Variants in TRPM2 observed in about 807,000 individuals in gnomAD.
TRPM2 encodes transient receptor potential cation channel subfamily M member 2, also known as estrogen-responsive element-associated gene 1 protein.
Under a neutral mutation model 174.0 loss-of-function variants are expected in TRPM2, and 161 were observed. The ratio of observed to expected loss-of-function variants is 0.93; its 90% confidence interval spans 0.81 to 1.05. The LOEUF is 1.05. Ranked by LOEUF, TRPM2 falls within the 50% of genes least tolerant of loss-of-function variation. The pLI is 0.00. For missense variants in TRPM2, 2,057 were observed against 2,038.0 expected (o/e 1.01, Z -0.18); for synonymous variants, 954 against 861.3 (o/e 1.11, Z -1.88).
intron 16 of TRPM2, among the ~76,000 whole-genome samples, chr21:44,402,927 C>A (rs945369634): frequency 2.0e-5 from 3 of 152,290 alleles, no homozygotes. Flanking sequence ...CCCCCAGTTA[C>A]CCCAGTTAGA....
intron 9 of TRPM2, among the ~76,000 whole-genome samples, chr21:44,388,632 T>C (rs968630131): frequency 2.5e-5 from 3 of 119,772 alleles, no homozygotes; most frequent in Non-Finnish European, 4.9e-5. Context: ...CTAGGCAACA[T>C]GGAGAACCCT....
Position 44,418,476 on chromosome 21 carries a change from C to G in TRPM2, c.3382C>G (p.Leu1128Val). The G allele has an allele frequency of 6.2e-7, 1 of 1,614,112 alleles. No homozygotes were observed. The highest frequency in any genetic ancestry group is 1.1e-5 in the South Asian group (1 of 91,084). ...EAALLSWEIY[L>V]KENYLQNRQF... is the part of the protein sequence containing the mutation. Reference sequence around the variant, plus strand: ...GGCCCTGCTATCCTGGGAGATCTACCTGAAGGAGAACTACCTCCAGAACCG... The same window carrying G: ...GGCCCTGCTATCCTGGGAGATCTACGTGAAGGAGAACTACCTCCAGAACCG... The change falls in exon 22 of 32, where the codon CTG becomes GTG. Residue 1128 changes from leucine to valine, a missense_variant. Physicochemically the swap from Leu to Val is conservative, Grantham distance 32 (BLOSUM62 1). Transcript: ENST00000397928.
In TRPM2 at chr21:44,369,277, GCTCATCACCATCGGAGTCGCCAC is replaced by G; in HGVS notation, c.708_730del (p.Ile237GlyfsTer24). On this transcript the variant is annotated frameshift_variant, in exon 5 of 32. Transcript: ENST00000397928. LOFTEE classifies it high-confidence loss of function. ...TGAGCAGCAGCTACAAGGAAGGCGA[GCTCATCACCATCGGAGTCGCCAC>G]CTGGGGCACTGTCCACCGCCGCGAG... is the stretch of plus-strand genomic sequence containing the variant. 4 of 1,613,804 alleles carry G rather than the reference GCTCATCACCATCGGAGTCGCCAC, an allele frequency of 2.5e-6. No homozygotes were observed. The highest frequency in any genetic ancestry group is 3.4e-6 in the Non-Finnish European group (4 of 1,179,938).
chr21:44,361,764 G>C (rs941613548), intron 2 of TRPM2, among the ~76,000 whole-genome samples: 1 of 152,058 alleles, frequency 6.6e-6, no homozygotes, highest in Non-Finnish European at 1.5e-5. Flanking sequence ...CTGGAGTACA[G>C]TGGCACGATC....
intron 2 of TRPM2, among the ~76,000 whole-genome samples, chr21:44,357,194 G>A (rs528295557): frequency 7.9e-5 from 12 of 152,274 alleles, no homozygotes; most frequent in South Asian, 4.2e-4. Flanking sequence ...TTTGAACGCC[G>A]CTGACACCCT....
At chr21:44,384,443 C>A (rs1221382246) in intron 9 of TRPM2, among the ~76,000 whole-genome samples, 1 of 152,162 alleles carries the variant, frequency 6.6e-6, no homozygotes, top group East Asian at 1.9e-4. Flanking sequence ...TGCCCTTCCA[C>A]TGGAAGGCAG....
At chr21:44,385,016 C>T (rs909872117) in intron 9 of TRPM2, among the ~76,000 whole-genome samples, 2 of 152,218 alleles carry the variant, frequency 1.3e-5, no homozygotes, top group African/African-American at 4.8e-5. Context: ...CCATTATGAA[C>T]ATTGATACGA....
intron 11 of TRPM2, among the ~76,000 whole-genome samples, chr21:44,393,950 G>A (rs2049259626): frequency 6.6e-6 from 1 of 152,078 alleles, no homozygotes; most frequent in South Asian, 2.1e-4. Context: ...TCTGCTTACT[G>A]CAACCTCTGC....
chr21:44,406,953 C>G (rs1482175347), intron 19 of TRPM2, among the ~76,000 whole-genome samples, 188 bp downstream of exon 19: 3 of 150,084 alleles, frequency 2.0e-5, no homozygotes, highest in Non-Finnish European at 4.4e-5. Context: ...GGGGCCCCAC[C>G]AGGGGAGGGA....
rs374071878 is a variant in TRPM2, at chr21:44,436,667, A to G, written c.4062-395A>G. ...GCCCTCGGCACCCCACATCACCCCC[A>G]GGCTGCACTCAGCATCCCACGTCAC... On this transcript the variant is annotated intron_variant, in intron 28 of 31. Transcript: ENST00000397928. 6.2e-5 allele frequency among the ~76,000 whole-genome samples: 6 copies of G among 96,934 alleles called. No individual in the cohort carries two copies. The South Asian group carries it at 1.1e-3, about 18-fold the overall frequency. 63.6% of individuals were successfully genotyped at this position (96,934 alleles called of 152,430 possible).
At chr21:44,372,369 G>A (rs1421721308) in intron 5 of TRPM2, among the ~76,000 whole-genome samples, 1 of 151,810 alleles carries the variant, frequency 6.6e-6, no homozygotes, top group Non-Finnish European at 1.5e-5. Context: ...GGTGGTAGGC[G>A]ACTGTAATCC....
intron 8 of TRPM2, among the ~76,000 whole-genome samples, chr21:44,380,337 G>T (rs1214443758): frequency 6.6e-6 from 1 of 152,210 alleles, no homozygotes; most frequent in Non-Finnish European, 1.5e-5. Context: ...TCGTGGTCCG[G>T]CTGTGAGCGG....
At chr21:44,421,344 G>A (rs368313175) in intron 22 of TRPM2, among the ~76,000 whole-genome samples, 1 of 151,956 alleles carries the variant, frequency 6.6e-6, no homozygotes, top group African/African-American at 2.4e-5. Flanking sequence ...AGTCCCAAAT[G>A]CCTCTCAGCT....
intron 5 of TRPM2, among the ~76,000 whole-genome samples, chr21:44,372,105 G>A (rs2048558087): frequency 6.6e-6 from 1 of 152,160 alleles, no homozygotes; most frequent in Non-Finnish European, 1.5e-5. Context: ...CTGGGTGACA[G>A]AGCAAGACTC....
intron 7 of TRPM2, among the ~76,000 whole-genome samples, chr21:44,378,528 G>A (rs764730354): frequency 6.6e-6 from 1 of 152,100 alleles, no homozygotes; most frequent in African/African-American, 2.4e-5. Context: ...GGCTGCACCC[G>A]CCTCCTTACC....
chr21:44,409,853 T>G, intron 19 of TRPM2, among the ~76,000 whole-genome samples: 1 of 149,192 alleles, frequency 6.7e-6, no homozygotes, highest in Admixed American at 6.7e-5. Context: ...TAGTAAGTTT[T>G]GACCACACTG....
At chr21:44,406,822 C>A (rs951560115) in intron 19 of TRPM2, 57 bp downstream of exon 19, 13 of 1,548,484 alleles carry the variant, frequency 8.4e-6, no homozygotes, top group Middle Eastern at 2.3e-4. Flanking sequence ...AGGAGAGAGG[C>A]TGGAAAGGGG....
At chr21:44,403,987 T>C (rs1273854613) in intron 16 of TRPM2, among the ~76,000 whole-genome samples, 2 of 150,734 alleles carry the variant, frequency 1.3e-5, no homozygotes, top group African/African-American at 2.5e-5. Flanking sequence ...TACACATGCA[T>C]ACACACATAC....
At chr21:44,423,381 C>T (rs1395285945) in intron 22 of TRPM2, 2 of 474,394 alleles carry the variant, frequency 4.2e-6, no homozygotes, top group African/African-American at 3.9e-5. Flanking sequence ...CTCACCTCCC[C>T]CTCTCTCCTG....
Sources: gnomAD v4.1 joint callset for allele counts (sites outside exome capture counted in the v4.1 genomes callset) on GRCh38, gnomAD v4.1.1 for gene constraint, MANE v1.5 for transcripts, NCBI Gene and HGNC (gene_info 2026-07-23, HGNC 2026-07-21) for gene names.